SLC35D4: variants seen among roughly 807,000 people sequenced by gnomAD.
SLC35D4 encodes solute carrier family 35 member D4.
chr18:23,324,560 T>A, the SLC35D4 span, among the ~76,000 whole-genome samples: 1 of 152,106 alleles, frequency 6.6e-6, no homozygotes, highest in Admixed American at 6.5e-5. Flanking sequence ...AGAGGCAACA[T>A]GAAAGGCGAG....
At chr18:23,424,766 G>A in the SLC35D4 span, among the ~76,000 whole-genome samples, 1 of 152,096 alleles carries the variant, frequency 6.6e-6, no homozygotes, top group East Asian at 1.9e-4. Context: ...TGGGAGGATC[G>A]CTTGAGGCCA....
the SLC35D4 span, among the ~76,000 whole-genome samples, chr18:23,395,820 T>C: frequency 6.6e-6 from 1 of 152,168 alleles, no homozygotes; most frequent in African/African-American, 2.4e-5. Context: ...TTACTCAGTG[T>C]AGGAAAGCTG....
chr18:23,386,722 CA>C, the SLC35D4 span, among the ~76,000 whole-genome samples: 65,531 of 108,088 alleles, frequency 0.61, 18,585 homozygotes, highest in East Asian at 0.75. Flanking sequence ...AAACTCTCAC[CA>C]AAAAAAAAAA....
chr18:23,264,171 A>C, the SLC35D4 span, among the ~76,000 whole-genome samples: 1 of 152,156 alleles, frequency 6.6e-6, no homozygotes, highest in Non-Finnish European at 1.5e-5. Context: ...GAAATGCTTG[A>C]GACTGGGTAA....
chr18:23,246,101 T>TA, the SLC35D4 span, among the ~76,000 whole-genome samples: 2 of 152,050 alleles, frequency 1.3e-5, no homozygotes. Context: ...CTGTCTCTAC[T>TA]AAAAATGCAA....
the SLC35D4 span, among the ~76,000 whole-genome samples, chr18:23,390,708 T>C: frequency 2.0e-5 from 3 of 152,242 alleles, no homozygotes; most frequent in African/African-American, 7.2e-5. Flanking sequence ...CTTCGGTCAC[T>C]CTACAGAGGT....
chr18:23,322,439 G>C, the SLC35D4 span, among the ~76,000 whole-genome samples: 2 of 152,180 alleles, frequency 1.3e-5, no homozygotes, highest in Admixed American at 6.5e-5. Flanking sequence ...CTTTAACAAA[G>C]GCATAACTTC....
chr18:23,243,794 C>G, the SLC35D4 span, among the ~76,000 whole-genome samples: 3 of 151,350 alleles, frequency 2.0e-5, no homozygotes, highest in South Asian at 6.3e-4. Context: ...ATCGCTTGAA[C>G]CCGGGAGGCA....
chr18:23,258,878 G>C, the SLC35D4 span: 1 of 152,112 alleles, frequency 6.6e-6, no homozygotes, highest in Non-Finnish European at 1.5e-5. Flanking sequence ...AGCAGCTGGT[G>C]AGGGCCAAAA....
chr18:23,293,974 T>G, the SLC35D4 span, among the ~76,000 whole-genome samples: 1 of 151,952 alleles, frequency 6.6e-6, no homozygotes. Flanking sequence ...TATTTTTTAT[T>G]TTTGTAGCGA....
At chr18:23,283,010 T>C in the SLC35D4 span, among the ~76,000 whole-genome samples, 1 of 147,876 alleles carries the variant, frequency 6.8e-6, no homozygotes, top group Non-Finnish European at 1.5e-5. Flanking sequence ...GGAAAAGAGG[T>C]CTGACACACC....
the SLC35D4 span, among the ~76,000 whole-genome samples, chr18:23,366,875 G>GT: frequency 1.3e-5 from 2 of 152,244 alleles, no homozygotes; most frequent in Non-Finnish European, 2.9e-5. Flanking sequence ...TCATTGAGAA[G>GT]TTGTAGGTTT....
chr18:23,365,653 T>C, the SLC35D4 span: 7 of 1,613,536 alleles, frequency 4.3e-6, no homozygotes, highest in Non-Finnish European at 5.9e-6. Context: ...GAGATGCAAA[T>C]GCCAGGAGCA....
the SLC35D4 span, among the ~76,000 whole-genome samples, chr18:23,242,426 A>G: frequency 2.6e-5 from 4 of 152,186 alleles, no homozygotes; most frequent in Non-Finnish European, 5.9e-5. Context: ...GGTGTGTCTC[A>G]GGGGAGGGCG....
At chr18:23,418,874 G>A in the SLC35D4 span, among the ~76,000 whole-genome samples, 4 of 151,862 alleles carry the variant, frequency 2.6e-5, no homozygotes, top group Non-Finnish European at 4.4e-5. Flanking sequence ...TGGGCATGGT[G>A]GCACGCGCCT....
chr18:23,437,802 C>T, the SLC35D4 span: 25 of 1,612,062 alleles, frequency 1.6e-5, no homozygotes, highest in Non-Finnish European at 2.0e-5. Flanking sequence ...GGTAAGAAGC[C>T]AGGTAGCAGG....
the SLC35D4 span, among the ~76,000 whole-genome samples, chr18:23,383,608 G>A: frequency 6.6e-6 from 1 of 152,138 alleles, no homozygotes; most frequent in African/African-American, 2.4e-5. Flanking sequence ...CATGGGAGGG[G>A]AGAGAAGGGA....
At chr18:23,376,922 T>C in the SLC35D4 span, 1 of 456,596 alleles carries the variant, frequency 2.2e-6, no homozygotes, top group East Asian at 6.9e-5. Flanking sequence ...TGGTTTTGTC[T>C]TGTTCTTTCA....
the SLC35D4 span, among the ~76,000 whole-genome samples, chr18:23,432,171 G>A: frequency 2.0e-5 from 3 of 152,178 alleles, no homozygotes; most frequent in African/African-American, 7.2e-5. Flanking sequence ...AGCCTGAAAT[G>A]CCCTTAACAA....
Sources: gnomAD v4.1 joint callset for allele counts (sites outside exome capture counted in the v4.1 genomes callset) on GRCh38, gnomAD v4.1.1 for gene constraint, MANE v1.5 for transcripts, NCBI Gene and HGNC (gene_info 2026-07-23, HGNC 2026-07-21) for gene names.